Variants in CTDP1 observed in about 807,000 individuals in gnomAD.
CTDP1 encodes the protein RNA polymerase II subunit A C-terminal domain phosphatase.
CTDP1 carries 47 observed loss-of-function variants against 91.8 expected under a neutral mutation model. The observed-to-expected ratio is 0.51, with a 90% CI of 0.41 to 0.65. The LOEUF (loss-of-function observed/expected upper bound fraction) is 0.65, where lower values mean the gene tolerates loss of function less well. Among genes scored for constraint, CTDP1 ranks in the 30% least tolerant of loss-of-function variants. CTDP1 has a pLI of 0.00. For synonymous variants in CTDP1, 656 were observed against 598.5 expected (o/e 1.10, Z -1.40); for missense variants, 1,272 against 1,373.7 (o/e 0.93, Z 1.17).
intron 1 of CTDP1, among the ~76,000 whole-genome samples, chr18:79,686,309 A>G (rs1275398917): frequency 1.3e-5 from 2 of 152,228 alleles, no homozygotes; most frequent in South Asian, 2.1e-4. Flanking sequence ...AGAGGAATGG[A>G]TGAATTCTCA....
intron 1 of CTDP1, among the ~76,000 whole-genome samples, chr18:79,684,273 C>T (rs1219533624): frequency 1.3e-5 from 2 of 152,182 alleles, no homozygotes; most frequent in South Asian, 2.1e-4. Flanking sequence ...TGCTCCAGAG[C>T]GTAGATTAGA....
intron 1 of CTDP1, among the ~76,000 whole-genome samples, chr18:79,689,730 A>G (rs767942421): frequency 1.7e-4 from 26 of 152,222 alleles, no homozygotes; most frequent in Non-Finnish European, 3.2e-4. Flanking sequence ...GCAGTGAGCT[A>G]AGATCACACC....
In CTDP1 at chr18:79,680,228, T is replaced by G; in HGVS notation, c.281T>G (p.Leu94Arg). ...RSERAGVVRE[L>R]CAQPGQVVAP... ...GAGCGCGCGGGCGTGGTGCGGGAGC[T>G]GTGCGCGCAGCCGGGCCAGGTGGTC... Residue 94 changes from leucine to arginine, a missense_variant, in exon 1 of 13, where the codon CTG becomes CGG. This residue lies in a region of CTDP1 where 214 missense variants were observed against 179.1 expected (regional missense o/e 1.19). Coordinates refer to ENST00000613122, the MANE Select transcript of CTDP1 (RefSeq NM_004715.5). 2 of 1,350,862 alleles carry G rather than the reference T, an allele frequency of 1.5e-6. No homozygotes were observed. Among genetic ancestry groups the G allele is most frequent in the South Asian group, 1.9e-5 (1 of 54,008 alleles). The allele number at this position is 1,350,862 out of a possible 1,614,324, so 83.7% of individuals were successfully genotyped here.
At chr18:79,719,339 G>T (rs537416983) in intron 10 of CTDP1, among the ~76,000 whole-genome samples, 1 of 152,110 alleles carries the variant, frequency 6.6e-6, no homozygotes, top group Non-Finnish European at 1.5e-5. Context: ...GGGTGGCTGC[G>T]GGCAGCTGGG....
At position 79,713,200 on chromosome 18, in the gene CTDP1, T is replaced by C. The variant is rs986213138; in HGVS notation, c.1030+62T>C. Reference sequence around the variant, plus strand: ...ACATTTGCTTATTGTTTAGCTCTTCTTATTTCTTATCTCTGTTTTGACTGC... The same window carrying C: ...ACATTTGCTTATTGTTTAGCTCTTCCTATTTCTTATCTCTGTTTTGACTGC... On this transcript the variant is annotated intron_variant, in intron 7 of 12. Transcript: ENST00000613122. The surrounding 1 kb of genome is among the most constrained non-coding windows in gnomAD (Gnocchi z 4.7). 2.0e-6 allele frequency: 3 copies of C among 1,497,946 alleles called. No homozygotes were observed. Among genetic ancestry groups the C allele is most frequent in the South Asian group, 1.2e-5 (1 of 85,680 alleles). The allele number at this position is 1,497,946 out of a possible 1,614,324, so 92.8% of individuals were successfully genotyped here.
rs1182532749 is a variant in CTDP1, at chr18:79,714,473, T to C, written c.1031-18T>C. The stretch of plus-strand genomic sequence containing the variant: ...AATGCTAAATTGCGGTAACTTTTCC[T>C]TTTGCATGCATATTTAGTAAATCAT... On this transcript the variant is annotated intron_variant, in intron 7 of 12. Coordinates refer to ENST00000613122, the MANE Select transcript of CTDP1 (RefSeq NM_004715.5). 1 of 1,612,698 alleles carries C rather than the reference T, an allele frequency of 6.2e-7. No individual in the cohort carries two copies. The highest frequency in any genetic ancestry group is 1.1e-5 in the South Asian group (1 of 91,084).
intron 1 of CTDP1, among the ~76,000 whole-genome samples, chr18:79,684,830 GAAGT>G (rs765336962): frequency 3.9e-5 from 6 of 152,308 alleles, no homozygotes; most frequent in Non-Finnish European, 7.3e-5. Flanking sequence ...CTATCTGGCA[GAAGT>G]AAGAACCTCC....
chr18:79,714,901 A>G lies in CTDP1; in HGVS notation c.1441A>G (p.Lys481Glu). Reference protein sequence around the residue: ...SSASDGESEGKRGRQKPKAAP... With the variant: ...SSASDGESEGERGRQKPKAAP... ...CGCCTCTGATGGCGAAAGCGAGGGG[A>G]AAAGAGGCCGGCAGAAGCCGAAGGC... The change falls in exon 8 of 13, where the codon AAA becomes GAA. Residue 481 changes from lysine (K) to glutamate (E), a missense_variant. Around this residue, in one of 3 missense-constraint regions of CTDP1, gnomAD observed 881 missense variants for 911.6 expected, o/e 0.97. Coordinates refer to ENST00000613122, the MANE Select transcript of CTDP1 (RefSeq NM_004715.5). 3 of 1,571,306 alleles carry G rather than the reference A, an allele frequency of 1.9e-6. No individual in the cohort carries two copies.
chr18:79,739,740 T>C (rs1326357409), intron 12 of CTDP1, among the ~76,000 whole-genome samples: 8 of 152,184 alleles, frequency 5.3e-5, no homozygotes, highest in Admixed American at 2.6e-4. Context: ...TGGGAGTCTG[T>C]TCAGGTTCTG....
At chr18:79,693,642 G>A (rs2085669320) in intron 1 of CTDP1, among the ~76,000 whole-genome samples, 1 of 152,150 alleles carries the variant, frequency 6.6e-6, no homozygotes, top group East Asian at 1.9e-4. Context: ...GGACCCGGAG[G>A]AGCTCAGATT....
chr18:79,751,278 C>A (rs1239823215), intron 12 of CTDP1, among the ~76,000 whole-genome samples: 1 of 121,326 alleles, frequency 8.2e-6, no homozygotes, highest in African/African-American at 3.2e-5. Flanking sequence ...ACAGGGCAGG[C>A]CAGGGAAGGA....
intron 5 of CTDP1, among the ~76,000 whole-genome samples, chr18:79,707,505 G>A (rs1288340529): frequency 1.3e-5 from 2 of 152,238 alleles, no homozygotes; most frequent in Non-Finnish European, 2.9e-5. Flanking sequence ...AGCGTCACCG[G>A]GCCGTCTGGT....
chr18:79,679,373 T>C (rs1034338894), upstream of CTDP1: 4 of 453,714 alleles, frequency 8.8e-6, no homozygotes, highest in Non-Finnish European at 1.8e-5. Context: ...GGACCCGTAG[T>C]CCCGCGACGT....
intron 1 of CTDP1, among the ~76,000 whole-genome samples, chr18:79,694,372 C>T (rs1376386108): frequency 3.3e-5 from 3 of 91,946 alleles, no homozygotes; most frequent in African/African-American, 7.4e-5. Context: ...CTCCTAGGGA[C>T]ACTGAGTGCC....
chr18:79,694,495 ACG>A lies in CTDP1; in HGVS notation c.315-729_315-728del, dbSNP rs2085704782. Among the ~76,000 whole-genome samples, 10 of 42,222 alleles carry A rather than the reference ACG, an allele frequency of 2.4e-4. No individual in the cohort carries two copies. In the South Asian group the frequency reaches 7.5e-3, roughly 32 times the overall value. 27.7% of individuals were successfully genotyped at this position (42,222 alleles called of 152,430 possible). Reference sequence around the variant, plus strand: ...CTGAGTGCTGGGCGGTCTCATGTCCACGGGGTGGGGTGGTCGGAGCAGCCCGG... The same window carrying A: ...CTGAGTGCTGGGCGGTCTCATGTCCAGGGTGGGGTGGTCGGAGCAGCCCGG... On this transcript the variant is annotated intron_variant, in intron 1 of 12. Coordinates refer to ENST00000613122, the MANE Select transcript of CTDP1 (RefSeq NM_004715.5).
Position 79,707,347 on chromosome 18 carries a change from T to A in CTDP1, c.772+2430T>A, listed in dbSNP as rs367710848. ...TGAAAGCTGGAGGGAGCCTGGGAGC[T>A]GCTCGCAGATTCAGCAGAGCATCCA... On this transcript the variant is annotated intron_variant, in intron 5 of 12. Coordinates refer to ENST00000613122, the MANE Select transcript of CTDP1 (RefSeq NM_004715.5). Among the ~76,000 whole-genome samples, 14 of 152,348 alleles carry A rather than the reference T, an allele frequency of 9.2e-5. No individual in the cohort carries two copies. In the South Asian group the frequency reaches 2.9e-3, roughly 32 times the overall value.
intron 11 of CTDP1, among the ~76,000 whole-genome samples, chr18:79,730,140 T>C (rs1202926771): frequency 6.6e-6 from 1 of 152,254 alleles, no homozygotes; most frequent in African/African-American, 2.4e-5. Flanking sequence ...TTTTGAGGTG[T>C]GCTGAATTTC....
intron 12 of CTDP1, among the ~76,000 whole-genome samples, chr18:79,753,231 G>A (rs1449340008): frequency 5.9e-5 from 9 of 152,280 alleles, no homozygotes; most frequent in Admixed American, 5.9e-4. Flanking sequence ...GTGGCCTGAG[G>A]AAATGAGAAT....
chr18:79,680,630 C>T (rs1170842644), intron 1 of CTDP1, among the ~76,000 whole-genome samples: 1 of 152,226 alleles, frequency 6.6e-6, no homozygotes, highest in Non-Finnish European at 1.5e-5. Flanking sequence ...GGCTCCAGAC[C>T]TGTTATTGAA....
Sources: gnomAD v4.1 joint callset for allele counts (sites outside exome capture counted in the v4.1 genomes callset) on GRCh38, gnomAD v4.1.1 for gene constraint, gnomAD v4.1.1 regional missense constraint, Gnocchi (gnomAD v3.1) non-coding constraint, MANE v1.5 for transcripts, NCBI Gene and HGNC (gene_info 2026-07-23, HGNC 2026-07-21) for gene names.